STPG2: variants seen among roughly 807,000 people sequenced by gnomAD.
STPG2 encodes sperm-tail PG-rich repeat-containing protein 2.
STPG2 carries 56 observed loss-of-function variants against 54.2 expected under a neutral mutation model. That is an observed-to-expected ratio of 1.03 (90% CI 0.83 to 1.29). STPG2 has a LOEUF of 1.29. Ranked by LOEUF, STPG2 falls within the 50% of genes most tolerant of loss-of-function variation. The pLI, the probability that STPG2 is intolerant of heterozygous loss-of-function variation, is 0.00. For synonymous variants in STPG2, 200 were observed against 181.8 expected, an observed-to-expected ratio of 1.10 and a Z score of -0.81; for missense variants, 596 against 544.9, an observed-to-expected ratio of 1.09 and a Z score of -0.93.
At chr4:97,893,877 C>A (rs1730858287) in intron 8 of STPG2, among the ~76,000 whole-genome samples, 1 of 151,866 alleles carries the variant, frequency 6.6e-6, no homozygotes, top group Admixed American at 6.6e-5. Context: ...TCTGAGTCCC[C>A]TAAAATCTAT....
intron 4 of STPG2, among the ~76,000 whole-genome samples, chr4:97,465,638 C>T (rs1729769924): frequency 6.6e-6 from 1 of 151,896 alleles, no homozygotes; most frequent in Admixed American, 6.6e-5. Context: ...GTTCAGGTTC[C>T]TGATATAAAA....
intron 10 of STPG2, among the ~76,000 whole-genome samples, chr4:97,577,811 A>G (rs1732760133): frequency 6.6e-6 from 1 of 152,172 alleles, no homozygotes; most frequent in Non-Finnish European, 1.5e-5. Flanking sequence ...AACACTAATT[A>G]TAAAGTACTT....
rs373391668 is a variant in STPG2, at chr4:97,564,040, G to T, written c.1321-4923C>A. Among the ~76,000 whole-genome samples, 14 of 152,262 alleles carry T rather than the reference G, an allele frequency of 9.2e-5. No individual in the cohort carries two copies. In the South Asian group the frequency reaches 1.5e-3, roughly 16 times the overall value. ...CTAATGTTGACAGTGGGGTGTTAAAGTCTCCCATTATTATTGTGTGAGAGT... is the reference window on the plus strand; with the variant it reads ...CTAATGTTGACAGTGGGGTGTTAAATTCTCCCATTATTATTGTGTGAGAGT... On this transcript the variant is annotated intron_variant, in intron 10 of 10. Transcript: ENST00000295268.
At chr4:97,982,166 G>A (rs1230629180) in intron 5 of STPG2, among the ~76,000 whole-genome samples, 3 of 152,008 alleles carry the variant, frequency 2.0e-5, no homozygotes, top group Non-Finnish European at 2.9e-5. Flanking sequence ...TTACAGATGT[G>A]AGCTAGCATT....
At chr4:97,759,293 C>A (rs971447657) in intron 9 of STPG2, among the ~76,000 whole-genome samples, 21 of 152,142 alleles carry the variant, frequency 1.4e-4, no homozygotes, top group African/African-American at 5.1e-4. Flanking sequence ...TGCTTTCCCA[C>A]AACGCAGGGC....
intron 10 of STPG2, among the ~76,000 whole-genome samples, chr4:97,597,158 G>T (rs1733317430): frequency 6.6e-6 from 1 of 151,920 alleles, no homozygotes; most frequent in African/African-American, 2.4e-5. Flanking sequence ...AGAAAACTTA[G>T]AATAATAGAT....
At chr4:97,926,161 T>G (rs1417387861) in intron 8 of STPG2, among the ~76,000 whole-genome samples, 1 of 151,942 alleles carries the variant, frequency 6.6e-6, no homozygotes, top group Non-Finnish European at 1.5e-5. Context: ...ACAAGGAGGG[T>G]GTTACTCTAA....
At chr4:97,697,133 T>C (rs1236107157) in intron 10 of STPG2, among the ~76,000 whole-genome samples, 1 of 152,160 alleles carries the variant, frequency 6.6e-6, no homozygotes, top group Non-Finnish European at 1.5e-5. Flanking sequence ...ATAGTAGAAA[T>C]GGTGAGAAGT....
At chr4:97,941,873 T>A (rs1732997665) in intron 8 of STPG2, among the ~76,000 whole-genome samples, 1 of 151,974 alleles carries the variant, frequency 6.6e-6, no homozygotes, top group African/African-American at 2.4e-5. Context: ...AAACCAAGCT[T>A]TCTATGTGAC....
chr4:97,988,907 C>T (rs1365569815), intron 5 of STPG2, among the ~76,000 whole-genome samples: 1 of 152,198 alleles, frequency 6.6e-6, no homozygotes, highest in East Asian at 1.9e-4. Context: ...AGCCACTGCG[C>T]CTGGCCAGCC....
intron 8 of STPG2, among the ~76,000 whole-genome samples, chr4:97,890,321 C>G (rs1560573426): frequency 6.6e-6 from 1 of 151,944 alleles, no homozygotes; most frequent in South Asian, 2.1e-4. Context: ...ACAGCATTAC[C>G]ACTCACAAGA....
At chr4:97,495,861 CTTA>C (rs1328944986) in intron 4 of STPG2, among the ~76,000 whole-genome samples, 2 of 151,314 alleles carry the variant, frequency 1.3e-5, no homozygotes, top group Non-Finnish European at 3.0e-5. Flanking sequence ...ATTTATTGAG[CTTA>C]TTAACATCTG....
At chr4:97,530,811 T>A (rs1731397365) in intron 4 of STPG2, among the ~76,000 whole-genome samples, 1 of 151,842 alleles carries the variant, frequency 6.6e-6, no homozygotes, top group Non-Finnish European at 1.5e-5. Context: ...CGGTGAGCTG[T>A]GCAGAGTTTG....
At chr4:97,999,998 T>A (rs756315636) in intron 5 of STPG2, among the ~76,000 whole-genome samples, 6 of 152,206 alleles carry the variant, frequency 3.9e-5, no homozygotes, top group Non-Finnish European at 8.8e-5. Flanking sequence ...TTTATGTGGT[T>A]CTCAGTATTA....
At chr4:97,847,203 T>G (rs990123725) in intron 8 of STPG2, among the ~76,000 whole-genome samples, 3 of 152,162 alleles carry the variant, frequency 2.0e-5, no homozygotes, top group Non-Finnish European at 4.4e-5. Context: ...AATTTGGTTC[T>G]ATAAAGAAGA....
chr4:97,830,799 G>T (rs1424606443), intron 9 of STPG2, among the ~76,000 whole-genome samples: 1 of 152,102 alleles, frequency 6.6e-6, no homozygotes, highest in African/African-American at 2.4e-5. Flanking sequence ...ATGGTAAAGG[G>T]ATCAATGCAA....
intron 5 of STPG2, among the ~76,000 whole-genome samples, chr4:98,007,972 T>TA (rs1396905428): frequency 1.9e-4 from 29 of 152,030 alleles, no homozygotes; most frequent in African/African-American, 7.0e-4. Context: ...TGTCTAAACT[T>TA]AAGAATCCTT....
chr4:98,043,390 C>T (rs189140769), intron 5 of STPG2, among the ~76,000 whole-genome samples: 4 of 151,914 alleles, frequency 2.6e-5, no homozygotes, highest in Admixed American at 2.6e-4. Context: ...AACTATTTGT[C>T]TTGTAGTTCT....
At chr4:97,778,700 C>G (rs1726479697) in intron 9 of STPG2, among the ~76,000 whole-genome samples, 2 of 152,154 alleles carry the variant, frequency 1.3e-5, no homozygotes, top group South Asian at 4.1e-4. Flanking sequence ...CAGACTGACA[C>G]CTCACACGGC....
Sources: allele counts gnomAD v4.1 joint callset (sites outside exome capture counted in the v4.1 genomes callset), GRCh38; gene constraint gnomAD v4.1.1; transcripts MANE v1.5; gene names NCBI Gene and HGNC (gene_info 2026-07-23, HGNC 2026-07-21).